The following ABCC5 variants were observed in gnomAD, a reference collection of about 807,000 sequenced individuals.
The protein encoded by ABCC5 is ATP binding cassette subfamily C member 5.
Under a neutral mutation model 160.9 loss-of-function variants are expected in ABCC5, and 61 were observed. The observed-to-expected ratio is 0.38, with a 90% CI of 0.31 to 0.47. ABCC5 has a LOEUF of 0.47. Among genes scored for constraint, ABCC5 ranks in the 20% least tolerant of loss-of-function variants. The pLI, the probability that ABCC5 is intolerant of heterozygous loss-of-function variation, is 0.99. For missense variants in ABCC5, 1,308 were observed against 1,813.3 expected (o/e 0.72, Z 5.06); for synonymous variants, 666 against 700.6 (o/e 0.95, Z 0.78).
At chr3:184,001,523 T>C (rs915185566) in intron 2 of ABCC5, among the ~76,000 whole-genome samples, 9 of 152,168 alleles carry the variant, frequency 5.9e-5, no homozygotes, top group Admixed American at 2.6e-4. Context: ...TGAGGGTGTT[T>C]TGCTTGCCCA....
At chr3:183,965,602 T>C in intron 12 of ABCC5, 101 bp from the exon 13 acceptor site, 4 of 1,507,468 alleles carry the variant, frequency 2.7e-6, no homozygotes, top group Non-Finnish European at 3.6e-6. Context: ...TCTGGTAATT[T>C]CCCGGGATGC....
chr3:183,951,544 C>A lies in ABCC5; in HGVS notation c.2841G>T (p.Leu947=), dbSNP rs1715346598. The A allele has an allele frequency of 6.2e-7, 1 of 1,614,200 alleles. No individual in the cohort carries two copies. The highest frequency in any genetic ancestry group is 8.5e-7 in the Non-Finnish European group (1 of 1,180,044). The change falls in exon 20 of 30, where the codon CTG becomes CTT. Residue 947 remains leucine (L), a synonymous_variant. Coordinates refer to ENST00000334444, the MANE Select transcript of ABCC5 (RefSeq NM_005688.4). The surrounding 1 kb of genome is among the most constrained non-coding windows in gnomAD (Gnocchi z 4.7). ...GGATCCTTCGGAAAAGCTCGTCATG[C>A]AGCCGGGAGGAAGCTCGCAGCGTGC... is the stretch of plus-strand genomic sequence containing the variant. ...VKGTLRASSR[L]HDELFRRILR... is the part of the protein sequence containing the mutation.
intron 25 of ABCC5, 22 bp downstream of exon 25, chr3:183,942,705 A>C: frequency 6.2e-7 from 1 of 1,606,560 alleles, no homozygotes; most frequent in Non-Finnish European, 8.5e-7. Context: ...ATGGATTCAA[A>C]GAAGGCTTTG....
chr3:184,015,522 C>T (rs1722119682), intron 1 of ABCC5, among the ~76,000 whole-genome samples: 1 of 152,114 alleles, frequency 6.6e-6, no homozygotes, highest in Non-Finnish European at 1.5e-5. Context: ...CATTATAATG[C>T]AATTTTTAAA....
At position 183,921,522 on chromosome 3, in the gene ABCC5, G is replaced by T; in HGVS notation, c.4213-121C>A. The stretch of plus-strand genomic sequence containing the variant: ...GTAGAATCTGGGGACAATTCAACTA[G>T]CCCTGCGTGCACCTCCCCCCTTATT... On this transcript the variant is annotated intron_variant, in intron 29 of 29. Coordinates refer to ENST00000334444, the MANE Select transcript of ABCC5 (RefSeq NM_005688.4). This position sits in a 1 kb window ranked among gnomAD's most constrained non-coding sequence, Gnocchi z 4.1. 2 of 717,810 alleles carry T rather than the reference G, an allele frequency of 2.8e-6. No homozygotes were observed. Among genetic ancestry groups the T allele is most frequent in the Non-Finnish European group, 4.2e-6 (2 of 471,262 alleles). 44.5% of individuals were successfully genotyped at this position (717,810 alleles called of 1,614,324 possible).
chr3:183,948,916 C>T (rs1464072864), intron 22 of ABCC5, among the ~76,000 whole-genome samples: 1 of 152,158 alleles, frequency 6.6e-6, no homozygotes, highest in African/African-American at 2.4e-5. Flanking sequence ...GTTGGCCAGG[C>T]TGGTCTCGAA....
chr3:183,925,802 C>A, intron 28 of ABCC5, 83 bp from the exon 29 acceptor site: 89 of 1,235,330 alleles, frequency 7.2e-5, no homozygotes, highest in Non-Finnish European at 8.3e-5. Flanking sequence ...AAATGTATTT[C>A]ATTTAAGTTT....
chr3:183,946,211 T>C (rs1714825480), intron 23 of ABCC5, among the ~76,000 whole-genome samples: 1 of 152,206 alleles, frequency 6.6e-6, no homozygotes, highest in Admixed American at 6.5e-5. Context: ...CAATAACACA[T>C]ATCTGCAACT....
rs1306816419 is a variant in ABCC5, at chr3:183,977,644, A to G, written c.1297-20T>C. 1.3e-6 allele frequency: 2 copies of G among 1,579,612 alleles called. No homozygotes were observed. Among genetic ancestry groups the G allele is most frequent in the Non-Finnish European group, 8.7e-7 (1 of 1,149,762 alleles). On this transcript the variant is annotated intron_variant, in intron 9 of 29. Transcript: ENST00000334444. ...GAAAGCCTGAAAATAGGAGAAGAGA[A>G]GAAACTGTGCCTAATGATGCTATGC...
intron 8 of ABCC5, among the ~76,000 whole-genome samples, chr3:183,979,590 CT>C (rs1311889745): frequency 2.6e-5 from 4 of 151,974 alleles, no homozygotes; most frequent in Admixed American, 6.6e-5. Context: ...CAATAAGATA[CT>C]TTTTTTTCAG....
At chr3:183,950,226 T>C in intron 20 of ABCC5, 101 bp from the exon 21 acceptor site, 3 of 1,347,490 alleles carry the variant, frequency 2.2e-6, no homozygotes, top group Non-Finnish European at 3.0e-6. Flanking sequence ...CTATCTGAAG[T>C]TTGTGATGTT....
intron 2 of ABCC5, among the ~76,000 whole-genome samples, chr3:184,009,103 G>A (rs528911609): frequency 2.0e-5 from 3 of 152,250 alleles, no homozygotes; most frequent in East Asian, 3.9e-4. Context: ...AGGCTCAAGC[G>A]AGCCTCCTCC....
intron 2 of ABCC5, among the ~76,000 whole-genome samples, chr3:184,001,756 C>T (rs1247014206): frequency 6.6e-6 from 1 of 152,108 alleles, no homozygotes; most frequent in Non-Finnish European, 1.5e-5. Flanking sequence ...TTTTATGAGG[C>T]CATTTGTTTT....
At chr3:183,961,705 C>CA in intron 15 of ABCC5, 51 bp from the exon 16 acceptor site, 1 of 1,604,502 alleles carries the variant, frequency 6.2e-7, no homozygotes. Context: ...CAAATACATT[C>CA]AAAAACCCAT....
chr3:184,010,801 T>C (rs201017630), intron 2 of ABCC5, among the ~76,000 whole-genome samples: 9 of 139,200 alleles, frequency 6.5e-5, no homozygotes, highest in South Asian at 2.3e-4. Context: ...TCTTCTTCTT[T>C]TTTTTTTTTT....
rs28365011 is a variant in ABCC5, at chr3:183,971,822, G to A, written c.1502C>T (p.Ser501Phe). 5 of 1,614,086 alleles carry A rather than the reference G, an allele frequency of 3.1e-6. No homozygotes were observed. The highest frequency in any genetic ancestry group is 2.2e-5 in the South Asian group (2 of 91,076). The change falls in exon 11 of 30, where the codon TCC becomes TTC. Residue 501 changes from serine (S) to phenylalanine (F), a missense_variant. By Grantham distance (155) the Ser-to-Phe change is radical. This residue lies in a region of ABCC5 where 1,142 missense variants were observed against 1,527.1 expected (regional missense o/e 0.75). Coordinates refer to ENST00000334444, the MANE Select transcript of ABCC5 (RefSeq NM_005688.4). ...EMKNATLAWD[S>F]SHSSIQNSPK... ...CGAGTTCTGGATACTGGAGTGGGAG[G>A]AGTCCCATGCCAAGGTGGCATTTTT...
chr3:183,929,687 C>T (rs188335999), intron 26 of ABCC5, among the ~76,000 whole-genome samples: 1 of 152,182 alleles, frequency 6.6e-6, no homozygotes, highest in East Asian at 1.9e-4. Context: ...TTTTTGCTTA[C>T]TGTGCCAACA....
chr3:183,927,862 T>A (rs758783331), intron 27 of ABCC5: 2 of 970,138 alleles, frequency 2.1e-6, no homozygotes, highest in Non-Finnish European at 2.5e-6. Context: ...ATTCTTCAAA[T>A]GAGAAGAATC....
At chr3:183,989,836 C>A (rs7635948) in intron 2 of ABCC5, among the ~76,000 whole-genome samples, 1 of 151,952 alleles carries the variant, frequency 6.6e-6, no homozygotes, top group South Asian at 2.1e-4. Flanking sequence ...ATAGAGTCTC[C>A]CTCTGTCACC....
Sources: allele counts gnomAD v4.1 joint callset (sites outside exome capture counted in the v4.1 genomes callset), GRCh38; gene constraint gnomAD v4.1.1; regional missense constraint gnomAD v4.1.1; non-coding constraint Gnocchi (gnomAD v3.1); transcripts MANE v1.5; gene names NCBI Gene and HGNC (gene_info 2026-07-23, HGNC 2026-07-21).